TMC1: variants seen among roughly 807,000 people sequenced by gnomAD.
TMC1 encodes the protein transmembrane channel like 1.
In TMC1, 84 loss-of-function variants were observed where a neutral mutation model predicts 105.8. The ratio of observed to expected loss-of-function variants is 0.79; its 90% CI spans 0.67 to 0.95. TMC1 has a LOEUF of 0.95. Ranked by LOEUF, TMC1 falls within the 40% of genes least tolerant of loss-of-function variation. The probability of loss-of-function intolerance (pLI) is 0.00; values close to 1 mark genes in which losing one functional copy is unlikely to be tolerated. For synonymous variants in TMC1, 315 were observed against 311.5 expected (o/e 1.01, Z -0.12); for missense variants, 817 against 914.1 (o/e 0.89, Z 1.37).
intron 13 of TMC1, 83 bp from the exon 14 acceptor site, chr9:72,788,256 T>G: frequency 6.7e-7 from 1 of 1,489,048 alleles, no homozygotes; most frequent in South Asian, 1.1e-5. Flanking sequence ...GCTTCTCCAC[T>G]TCAACACTCA....
chr9:72,525,804 A>G (rs1823397646), intron 1 of TMC1, among the ~76,000 whole-genome samples: 1 of 152,196 alleles, frequency 6.6e-6, no homozygotes, highest in Non-Finnish European at 1.5e-5. Context: ...CCTGGCCAAC[A>G]TGGCAAAACC....
chr9:72,726,042 TC>T (rs1827119397), intron 8 of TMC1, among the ~76,000 whole-genome samples: 1 of 152,170 alleles, frequency 6.6e-6, no homozygotes, highest in Non-Finnish European at 1.5e-5. Flanking sequence ...TAGGATTAAT[TC>T]TTTGTACCCC....
At chr9:72,615,600 C>G (rs1468917811) in intron 2 of TMC1, among the ~76,000 whole-genome samples, 2 of 152,092 alleles carry the variant, frequency 1.3e-5, no homozygotes, top group Non-Finnish European at 1.5e-5. Context: ...TTTTCGACTT[C>G]AATGTGGTGA....
At chr9:72,830,386 A>G in intron 21 of TMC1, 65 bp from the exon 22 acceptor site, 1 of 1,089,138 alleles carries the variant, frequency 9.2e-7, no homozygotes, top group Non-Finnish European at 1.4e-6. Context: ...CTTAATGTAA[A>G]TTTAAGAAGT....
chr9:72,685,362 A>ATT (rs35423971), intron 5 of TMC1, among the ~76,000 whole-genome samples: 5 of 125,616 alleles, frequency 4.0e-5, no homozygotes, highest in East Asian at 2.3e-4. Context: ...CGCCTTGGCC[A>ATT]TTTTTTTTTT....
chr9:72,704,557 T>C (rs984278974), intron 8 of TMC1, among the ~76,000 whole-genome samples: 1 of 152,112 alleles, frequency 6.6e-6, no homozygotes, highest in Admixed American at 6.6e-5. Context: ...TAGGAATTGG[T>C]TGTGAATCCA....
chr9:72,534,517 G>T (rs1823546904), intron 1 of TMC1, among the ~76,000 whole-genome samples: 1 of 152,026 alleles, frequency 6.6e-6, no homozygotes, highest in Non-Finnish European at 1.5e-5. Flanking sequence ...ATTATGATTG[G>T]TTAAAAGCTA....
intron 2 of TMC1, among the ~76,000 whole-genome samples, chr9:72,593,123 A>G (rs1002213108): frequency 9.2e-5 from 14 of 152,246 alleles, no homozygotes; most frequent in African/African-American, 3.4e-4. Flanking sequence ...AATAGTGTTC[A>G]GTTTTCAAAG....
At chr9:72,810,283 A>G (rs17560964) in intron 18 of TMC1, among the ~76,000 whole-genome samples, 10,218 of 152,272 alleles carry the variant, frequency 0.067, 398 homozygotes, top group African/African-American at 0.1. Flanking sequence ...AACCTGAGAT[A>G]GGCAGAGGAC....
At chr9:72,742,984 C>T (rs958028519) in intron 10 of TMC1, among the ~76,000 whole-genome samples, 4 of 152,276 alleles carry the variant, frequency 2.6e-5, no homozygotes, top group Admixed American at 2.0e-4. Flanking sequence ...GCCTGTAATC[C>T]CAGCACTTTG....
rs576986203 is a variant in TMC1, at chr9:72,528,970, A to G, written c.-428+7057A>G. On this transcript the variant is annotated intron_variant, in intron 1 of 23. Coordinates refer to ENST00000297784, the MANE Select transcript of TMC1 (RefSeq NM_138691.3). ...ACATGTATAGATTTTTTTTTTGTAT[A>G]TTTCCTAAACTATATCGTATAATAA... Among the ~76,000 whole-genome samples, 38 of 151,878 alleles carry G rather than the reference A, an allele frequency of 2.5e-4. No individual in the cohort carries two copies. The Middle Eastern group carries it at 0.01, about 41-fold the overall frequency.
intron 5 of TMC1, among the ~76,000 whole-genome samples, chr9:72,659,675 G>C (rs1050661520): frequency 2.0e-5 from 3 of 152,176 alleles, no homozygotes; most frequent in African/African-American, 7.2e-5. Context: ...ATACCATGTG[G>C]AGTTTGTTTA....
chr9:72,607,882 G>C (rs534813324), intron 2 of TMC1: 1 of 152,344 alleles, frequency 6.6e-6, no homozygotes, highest in African/African-American at 2.4e-5. Flanking sequence ...GTATGAGAAG[G>C]AGAGTCAGAG....
rs376305043 is a variant in TMC1 at position 72,788,464 on chromosome 9, C to A, written c.1010C>A (p.Ser337Tyr). The A allele has an allele frequency of 8.7e-6, 14 of 1,613,884 alleles. No individual in the cohort carries two copies. The highest frequency in any genetic ancestry group is 1.2e-5 in the Non-Finnish European group (14 of 1,179,918). Reference protein sequence around the residue: ...NPETADNKFNSITMNFKEAIT... With the variant: ...NPETADNKFNYITMNFKEAIT... ...GAAACAGCAGACAACAAATTTAATT[C>A]TATCACAATGAACTTTAAGGTAGAG... is the stretch of plus-strand genomic sequence containing the variant. The change falls in exon 14 of 24, where the codon TCT becomes TAT. Residue 337 changes from serine (S) to tyrosine (Y), a missense_variant. Coordinates refer to ENST00000297784, the MANE Select transcript of TMC1 (RefSeq NM_138691.3).
In TMC1 at chr9:72,740,099, T is replaced by A; in HGVS notation, c.363-20T>A. ...GCAACTCACCTCCTTTTATCCCTTA[T>A]GTTATTTTTATTTTCTCAGGGAGGC... On this transcript the variant is annotated intron_variant, in intron 8 of 23. Coordinates refer to ENST00000297784, the MANE Select transcript of TMC1 (RefSeq NM_138691.3). 1 of 1,595,472 alleles carries A rather than the reference T, an allele frequency of 6.3e-7. No homozygotes were observed.
intron 2 of TMC1, among the ~76,000 whole-genome samples, chr9:72,616,009 A>G (rs1587991017): frequency 6.6e-6 from 1 of 152,150 alleles, no homozygotes; most frequent in Non-Finnish European, 1.5e-5. Context: ...TAGCCTCCCA[A>G]AATGCTGGGA....
chr9:72,641,358 G>A (rs1825623824), intron 4 of TMC1, among the ~76,000 whole-genome samples: 1 of 152,200 alleles, frequency 6.6e-6, no homozygotes, highest in African/African-American at 2.4e-5. Context: ...CTCCCAAAAT[G>A]CTGGGATAGC....
At chr9:72,706,228 T>G (rs2793149) in intron 8 of TMC1, among the ~76,000 whole-genome samples, 85,944 of 152,004 alleles carry the variant, frequency 0.57, 25,649 homozygotes, top group African/African-American at 0.77. Context: ...TGTTTTCTTG[T>G]AGCTTAAGAT....
chr9:72,749,137 T>G (rs112732890), intron 10 of TMC1, among the ~76,000 whole-genome samples: 6 of 152,190 alleles, frequency 3.9e-5, no homozygotes, highest in Non-Finnish European at 8.8e-5. Flanking sequence ...TCTTTTGCAT[T>G]TAAGTATATT....
Sources: allele counts gnomAD v4.1 joint callset (sites outside exome capture counted in the v4.1 genomes callset), GRCh38; gene constraint gnomAD v4.1.1; transcripts MANE v1.5; gene names NCBI Gene and HGNC (gene_info 2026-07-23, HGNC 2026-07-21).